Variants in AMMECR1 observed in about 807,000 individuals in gnomAD.
AMMECR1 encodes the protein AMMECR nuclear protein 1.
A neutral mutation model predicts 22.5 loss-of-function variants in AMMECR1; 3 were observed. That is an observed-to-expected ratio of 0.13 (90% CI 0.06 to 0.35). AMMECR1 has a LOEUF of 0.35. Among genes scored for constraint, AMMECR1 ranks in the 10% least tolerant of loss-of-function variants. The probability of loss-of-function intolerance (pLI) is 1.00; values close to 1 mark genes in which losing one functional copy is unlikely to be tolerated. For synonymous variants in AMMECR1, 130 were observed against 116.7 expected, an observed-to-expected ratio of 1.11 and a Z score of -0.74; for missense variants, 235 against 278.7, an observed-to-expected ratio of 0.84 and a Z score of 1.12.
At chrX:110,289,910 A>C (rs1284504025) in intron 1 of AMMECR1, among the ~76,000 whole-genome samples, 3 of 112,014 alleles carry the variant, frequency 2.7e-5, no homozygotes, top group Non-Finnish European at 5.6e-5. Context: ...CCAAGAATTT[A>C]TAGAACCATG....
chrX:110,231,850 A>T (rs775098103), intron 2 of AMMECR1, among the ~76,000 whole-genome samples: 1 of 111,381 alleles, frequency 9.0e-6, no homozygotes, highest in East Asian at 2.8e-4. Flanking sequence ...AGCAAAAAAA[A>T]GCAGGGGTTG....
At chrX:110,409,082 G>T (rs2068623160) in intron 2 of AMMECR1, among the ~76,000 whole-genome samples, 1 of 111,709 alleles carries the variant, frequency 9.0e-6, no homozygotes, top group South Asian at 3.8e-4. Flanking sequence ...CTAATTAACT[G>T]AGGTGCTTAT....
intron 2 of AMMECR1, among the ~76,000 whole-genome samples, chrX:110,245,927 G>T (rs1210251879): frequency 9.0e-6 from 1 of 111,669 alleles, no homozygotes; most frequent in Non-Finnish European, 1.9e-5. Context: ...AATAATATAT[G>T]GACAGTAGTG....
chrX:110,239,570 G>T (rs935096606), intron 2 of AMMECR1, among the ~76,000 whole-genome samples: 2 of 111,091 alleles, frequency 1.8e-5, no homozygotes, highest in Non-Finnish European at 3.8e-5. Flanking sequence ...AATATTTTTT[G>T]ATTTGATTGG....
chrX:110,358,025 G>GA (rs1346529716), intron 2 of AMMECR1, among the ~76,000 whole-genome samples: 3 of 110,498 alleles, frequency 2.7e-5, no homozygotes, highest in African/African-American at 6.6e-5. Context: ...CAAGGATTTT[G>GA]AAAAAAAATT....
chrX:110,395,102 G>A (rs1220911874), intron 2 of AMMECR1, among the ~76,000 whole-genome samples: 1 of 112,676 alleles, frequency 8.9e-6, no homozygotes, highest in Admixed American at 9.3e-5. Flanking sequence ...GTGTATGTAG[G>A]TTGTTTCAGG....
At chrX:110,338,495 A>G (rs753479159) in intron 2 of AMMECR1, among the ~76,000 whole-genome samples, 82 of 112,264 alleles carry the variant, frequency 7.3e-4, no homozygotes, top group African/African-American at 2.6e-3. Flanking sequence ...CAGATTGTAG[A>G]TGGCCTGACA....
intron 2 of AMMECR1, among the ~76,000 whole-genome samples, chrX:110,235,695 C>T (rs1443666329): frequency 1.8e-5 from 2 of 111,704 alleles, no homozygotes; most frequent in Admixed American, 1.9e-4. Context: ...CCATCATTCT[C>T]AGCAAACTAT....
At chrX:110,255,310 A>G (rs907649263) in intron 2 of AMMECR1, among the ~76,000 whole-genome samples, 1 of 111,788 alleles carries the variant, frequency 8.9e-6, no homozygotes, top group Non-Finnish European at 1.9e-5. Context: ...TTGTCTAAAA[A>G]TATGGTCCAA....
At chrX:110,356,090 T>C (rs894702024) in intron 2 of AMMECR1, among the ~76,000 whole-genome samples, 1 of 108,211 alleles carries the variant, frequency 9.2e-6, no homozygotes, top group East Asian at 2.9e-4. Flanking sequence ...GGAGGAGGGT[T>C]GGGGAAAGGG....
Position 110,405,868 on chromosome X carries a change from G to T in AMMECR1, c.-148+20790C>A, listed in dbSNP as rs145472533. ...TCTGAACCATGGTGTGCAAGTCCTT[G>T]TAAAGTCAAACAGTCTCTTTAATAA... On this transcript the variant is annotated intron_variant, in intron 2 of 7. Transcript: ENST00000372057. Among the ~76,000 whole-genome samples, 329 of 111,653 alleles carry T rather than the reference G, an allele frequency of 2.9e-3. 3 individuals are homozygous for T. In the East Asian group the frequency reaches 0.03, roughly 10 times the overall value.
intron 2 of AMMECR1, among the ~76,000 whole-genome samples, chrX:110,343,329 G>A (rs2068173016): frequency 9.0e-6 from 1 of 111,517 alleles, no homozygotes. Context: ...ATTAGGTATG[G>A]ATGGGACGTA....
intron 1 of AMMECR1, among the ~76,000 whole-genome samples, chrX:110,277,563 A>G (rs985914434): frequency 9.0e-6 from 1 of 111,682 alleles, no homozygotes; most frequent in African/African-American, 3.3e-5. Flanking sequence ...AACTTAAAGT[A>G]TAATAATAAT....
At chrX:110,228,040 T>C (rs2067543213) in intron 2 of AMMECR1, among the ~76,000 whole-genome samples, 1 of 112,251 alleles carries the variant, frequency 8.9e-6, no homozygotes, top group Non-Finnish European at 1.9e-5. Flanking sequence ...GGCATATTTC[T>C]CTATGGTAAG....
At chrX:110,279,755 ATCTTCAG>A (rs2067843496) in intron 1 of AMMECR1, among the ~76,000 whole-genome samples, 1 of 111,895 alleles carries the variant, frequency 8.9e-6, no homozygotes, top group South Asian at 3.7e-4. Context: ...AATGAAGCTG[ATCTTCAG>A]TCCATCCAGC....
At chrX:110,415,705 AGGTATTTCTT>A (rs1358175601) in intron 2 of AMMECR1, among the ~76,000 whole-genome samples, 1 of 111,174 alleles carries the variant, frequency 9.0e-6, no homozygotes, top group Admixed American at 9.6e-5. Flanking sequence ...TCCTGGGTTG[AGGTATTTCTT>A]TTCTCCCAAA....
At chrX:110,260,326 A>G (rs2067733644) in intron 2 of AMMECR1, among the ~76,000 whole-genome samples, 1 of 111,693 alleles carries the variant, frequency 9.0e-6, no homozygotes, top group African/African-American at 3.2e-5. Context: ...CAGCCTCTTT[A>G]TAAGATTTTA....
intron 2 of AMMECR1, among the ~76,000 whole-genome samples, chrX:110,232,889 CAAAAAAAAAAAA>C (rs775605567): frequency 4.4e-3 from 52 of 11,914 alleles, no homozygotes; most frequent in Non-Finnish European, 5.7e-3. Flanking sequence ...GACTCAGTCT[CAAAAAAAAAAAA>C]AAAAAAAAAA....
rs184218954 is a variant in AMMECR1, at chrX:110,291,142, G to A, written c.473+26457C>T. ...TAATAGTGGAGTGGGGAAGAGAAGG[G>A]AAAGAAAATATAAAGATGAAGACAG... is the stretch of plus-strand genomic sequence containing the variant. On this transcript the variant is annotated intron_variant, in intron 1 of 5. Coordinates refer to ENST00000262844, the MANE Select transcript of AMMECR1 (RefSeq NM_015365.3). Among the ~76,000 whole-genome samples the A allele has an allele frequency of 6.9e-3, 768 of 111,376 alleles. 5 individuals carry two copies. Among genetic ancestry groups the A allele is most frequent in the African/African-American group, 0.023 (713 of 30,626 alleles).
Sources: allele counts gnomAD v4.1 joint callset (sites outside exome capture counted in the v4.1 genomes callset), GRCh38; gene constraint gnomAD v4.1.1; transcripts MANE v1.5; gene names NCBI Gene and HGNC (gene_info 2026-07-23, HGNC 2026-07-21).